Variants in KIRREL3 observed in about 807,000 individuals in gnomAD.
The protein encoded by KIRREL3 is kin of IRRE-like protein 3.
In KIRREL3, 36 loss-of-function variants were observed where a neutral mutation model predicts 89.7. The ratio of observed to expected loss-of-function variants is 0.40; its 90% CI spans 0.31 to 0.53. The LOEUF is 0.53. Among genes scored for constraint, KIRREL3 ranks in the 20% least tolerant of loss-of-function variants. KIRREL3 has a pLI of 0.49. For synonymous variants in KIRREL3, 445 were observed against 441.4 expected (o/e 1.01, Z -0.10); for missense variants, 864 against 1,056.6 (o/e 0.82, Z 2.53).
intron 1 of KIRREL3, among the ~76,000 whole-genome samples, chr11:126,972,917 C>T (rs759844314): frequency 2.0e-5 from 3 of 152,126 alleles, no homozygotes; most frequent in East Asian, 1.9e-4. Context: ...CAGAAAAGAA[C>T]GAACAATGTG....
chr11:126,957,091 C>A (rs1204070354), intron 1 of KIRREL3, among the ~76,000 whole-genome samples: 1 of 152,250 alleles, frequency 6.6e-6, no homozygotes, highest in Non-Finnish European at 1.5e-5. Context: ...CCAATGACTG[C>A]TATTGACTGA....
chr11:126,630,486 C>T (rs1943973241), intron 1 of KIRREL3, among the ~76,000 whole-genome samples: 1 of 152,214 alleles, frequency 6.6e-6, no homozygotes, highest in Non-Finnish European at 1.5e-5. Context: ...ACTATGAAGA[C>T]CTGGCTTCAA....
At chr11:126,863,490 CGTGTGTGA>C (rs1446433433) in intron 1 of KIRREL3, among the ~76,000 whole-genome samples, 2 of 29,278 alleles carry the variant, frequency 6.8e-5, no homozygotes, top group African/African-American at 3.2e-4. Flanking sequence ...TGTGTGAGTG[CGTGTGTGA>C]GTGTGAGTGC....
intron 1 of KIRREL3, among the ~76,000 whole-genome samples, chr11:126,820,200 A>G (rs1943158114): frequency 1.3e-5 from 2 of 152,166 alleles, no homozygotes; most frequent in Admixed American, 6.5e-5. Context: ...CACATAGTTT[A>G]GAGAGAATGC....
intron 1 of KIRREL3, among the ~76,000 whole-genome samples, chr11:126,726,805 G>A (rs1013874892): frequency 7.9e-5 from 12 of 152,176 alleles, no homozygotes; most frequent in Admixed American, 1.3e-4. Flanking sequence ...CATGCCATGC[G>A]TTCTTGTGCC....
At chr11:126,637,781 TTATCCATC>T (rs1194513274) in intron 1 of KIRREL3, among the ~76,000 whole-genome samples, 2 of 152,224 alleles carry the variant, frequency 1.3e-5, no homozygotes, top group Non-Finnish European at 2.9e-5. Flanking sequence ...CTCCATCCAT[TTATCCATC>T]TATCCATCTA....
rs538479850 is a variant in KIRREL3 at position 126,638,527 on chromosome 11, A to C, written c.56-75615T>G. Among the ~76,000 whole-genome samples, 4 of 152,346 alleles carry C rather than the reference A, an allele frequency of 2.6e-5. No individual in the cohort carries two copies. The South Asian group carries it at 8.3e-4, about 32-fold the overall frequency. On this transcript the variant is annotated intron_variant, in intron 1 of 16. Coordinates refer to ENST00000525144, the MANE Select transcript of KIRREL3 (RefSeq NM_032531.4). Reference sequence around the variant, plus strand: ...TAGACATAGAAATCATTACTGCATAAATGTGGAGCAATATTAACAAAAAGC... The same window carrying C: ...TAGACATAGAAATCATTACTGCATACATGTGGAGCAATATTAACAAAAAGC...
chr11:126,482,527 G>C (rs1304838209), intron 4 of KIRREL3, among the ~76,000 whole-genome samples: 1 of 152,238 alleles, frequency 6.6e-6, no homozygotes, highest in Non-Finnish European at 1.5e-5. Flanking sequence ...GGTCAAGGAA[G>C]ATGTAACATG....
intron 1 of KIRREL3, among the ~76,000 whole-genome samples, chr11:126,573,473 C>T (rs1369996908): frequency 6.6e-6 from 1 of 151,668 alleles, no homozygotes; most frequent in East Asian, 2.0e-4. Context: ...CCACCCACCC[C>T]AGCCCACACA....
rs559358978 is a variant in KIRREL3, at chr11:126,611,261, C to T, written c.56-48349G>A. On this transcript the variant is annotated intron_variant, in intron 1 of 16. Coordinates refer to ENST00000525144, the MANE Select transcript of KIRREL3 (RefSeq NM_032531.4). This position sits in a 1 kb window ranked among gnomAD's most constrained non-coding sequence, Gnocchi z 4.7. ...GCCCGGTGAATGTTAGCTGCTATTA[C>T]TGTTGTTCCTACCACCGCACCCTCT... is the stretch of plus-strand genomic sequence containing the variant. Among the ~76,000 whole-genome samples the T allele has an allele frequency of 6.6e-6, 1 of 152,180 alleles. No homozygotes were observed. Among genetic ancestry groups the T allele is most frequent in the Non-Finnish European group, 1.5e-5 (1 of 68,030 alleles).
intron 1 of KIRREL3, among the ~76,000 whole-genome samples, chr11:126,859,499 C>T (rs1337464172): frequency 6.6e-6 from 1 of 152,128 alleles, no homozygotes; most frequent in Non-Finnish European, 1.5e-5. Flanking sequence ...CCTCAAAGGA[C>T]AGGAGGAAGC....
In KIRREL3 at chr11:126,584,666, C is replaced by G. The variant is rs139704407; in HGVS notation, c.56-21754G>C. Reference sequence around the variant, plus strand: ...CACCAATGACACTACCAGCTTCTCTCTGGTGTCTAACTGGACTGAAGGTGA... The same window carrying G: ...CACCAATGACACTACCAGCTTCTCTGTGGTGTCTAACTGGACTGAAGGTGA... On this transcript the variant is annotated intron_variant, in intron 1 of 16. Transcript: ENST00000525144. Among the ~76,000 whole-genome samples, 199 of 152,284 alleles carry G rather than the reference C, an allele frequency of 1.3e-3. 8 individuals are homozygous for G. In the East Asian group the frequency reaches 0.036, roughly 27 times the overall value.
intron 1 of KIRREL3, among the ~76,000 whole-genome samples, chr11:126,572,767 G>C (rs900825173): frequency 6.6e-6 from 1 of 152,168 alleles, no homozygotes; most frequent in Non-Finnish European, 1.5e-5. Flanking sequence ...GGCAGCAGGG[G>C]CGGGGCTGCT....
chr11:126,505,324 C>A (rs1327546851), intron 4 of KIRREL3, among the ~76,000 whole-genome samples: 1 of 152,234 alleles, frequency 6.6e-6, no homozygotes, highest in Non-Finnish European at 1.5e-5. Context: ...AATTCCAGCA[C>A]TCTGGGAGGC....
Position 126,564,623 on chromosome 11 carries a change from T to C in KIRREL3, c.56-1711A>G, listed in dbSNP as rs929182914. 6.6e-6 allele frequency among the ~76,000 whole-genome samples: 1 copy of C among 152,174 alleles called. No individual in the cohort carries two copies. Among genetic ancestry groups the C allele is most frequent in the Non-Finnish European group, 1.5e-5 (1 of 68,032 alleles). On this transcript the variant is annotated intron_variant, in intron 1 of 16. Transcript: ENST00000525144. This position sits in a 1 kb window ranked among gnomAD's most constrained non-coding sequence, Gnocchi z 7.4. Reference sequence around the variant, plus strand: ...GGTCTTACATCTCAGGCACCCAAATTGACGATGTTAAGTTCCCTCATTCAA... The same window carrying C: ...GGTCTTACATCTCAGGCACCCAAATCGACGATGTTAAGTTCCCTCATTCAA...
chr11:126,539,648 T>A (rs552922580), intron 2 of KIRREL3, among the ~76,000 whole-genome samples: 1 of 152,294 alleles, frequency 6.6e-6, no homozygotes, highest in South Asian at 2.1e-4. Flanking sequence ...AGCCATTTGC[T>A]GCTCAGGAGG....
chr11:126,741,294 T>G lies in KIRREL3; in HGVS notation c.56-178382A>C, dbSNP rs962437952. Among the ~76,000 whole-genome samples, 3 of 152,322 alleles carry G rather than the reference T, an allele frequency of 2.0e-5. No homozygotes were observed. In the Middle Eastern group the frequency reaches 0.01, roughly 518 times the overall value. ...CCTACCTGTGATATGGATATTAATA[T>G]GCATATAATTTTAATGATACAGTCT... On this transcript the variant is annotated intron_variant, in intron 1 of 16. Coordinates refer to ENST00000525144, the MANE Select transcript of KIRREL3 (RefSeq NM_032531.4).
At chr11:126,482,568 G>A (rs367610808) in intron 4 of KIRREL3, among the ~76,000 whole-genome samples, 59 of 152,376 alleles carry the variant, frequency 3.9e-4, no homozygotes, top group Non-Finnish European at 7.5e-4. Flanking sequence ...TCTGATGGAT[G>A]ATGTGGCATG....
rs1024247480 is a variant in KIRREL3 at position 126,812,307 on chromosome 11, G to A, written c.55+188148C>T. Among the ~76,000 whole-genome samples the A allele has an allele frequency of 6.6e-6, 1 of 152,168 alleles. No individual in the cohort carries two copies. Among genetic ancestry groups the A allele is most frequent in the African/African-American group, 2.4e-5 (1 of 41,444 alleles). ...TGTAGATGTGGCTGGTGATAATAAT[G>A]AGAAGGACTGGGGGAAAACGAAGTA... is the stretch of plus-strand genomic sequence containing the variant. On this transcript the variant is annotated intron_variant, in intron 1 of 16. Transcript: ENST00000525144. This position sits in a 1 kb window ranked among gnomAD's most constrained non-coding sequence, Gnocchi z 5.2.
Sources: allele counts gnomAD v4.1 joint callset (sites outside exome capture counted in the v4.1 genomes callset), GRCh38; gene constraint gnomAD v4.1.1; non-coding constraint Gnocchi (gnomAD v3.1); transcripts MANE v1.5; gene names NCBI Gene and HGNC (gene_info 2026-07-23, HGNC 2026-07-21).